SNX7: variants seen among roughly 807,000 people sequenced by gnomAD.
SNX7 encodes the protein sorting nexin 7.
Under a neutral mutation model 48.4 loss-of-function variants are expected in SNX7, and 35 were observed. The ratio of observed to expected loss-of-function variants is 0.72; its 90% confidence interval spans 0.55 to 0.96. The LOEUF is 0.96. Ranked by LOEUF, SNX7 falls within the 40% of genes least tolerant of loss-of-function variation. The pLI, the probability that SNX7 is intolerant of heterozygous loss-of-function variation, is 0.00. For missense variants in SNX7, 553 were observed against 548.9 expected, an observed-to-expected ratio of 1.01 and a Z score of -0.07; for synonymous variants, 190 against 190.2, an observed-to-expected ratio of 1.00 and a Z score of 0.01.
At position 98,667,919 on chromosome 1, in the gene SNX7, AC is replaced by A. The variant is rs1649627843; in HGVS notation, c.180+6009del. On this transcript the variant is annotated intron_variant, in intron 1 of 8. Coordinates refer to ENST00000306121, the MANE Select transcript of SNX7 (RefSeq NM_015976.5). ...CATTTTGATGATTAGGAAAAAAAAA[AC>A]AAAAAAAACAAAACAAACAAACAAA... 2.6e-5 allele frequency among the ~76,000 whole-genome samples: 4 copies of A among 151,774 alleles called. No homozygotes were observed. The East Asian group carries it at 7.8e-4, about 29-fold the overall frequency.
chr1:98,756,795 TG>T (rs1306337538), intron 8 of SNX7, among the ~76,000 whole-genome samples: 3 of 152,186 alleles, frequency 2.0e-5, no homozygotes, highest in Admixed American at 2.0e-4. Flanking sequence ...CCCTTCACCA[TG>T]GCCTCGAAAT....
At chr1:98,674,795 A>G (rs763406160) in intron 1 of SNX7, among the ~76,000 whole-genome samples, 8 of 152,130 alleles carry the variant, frequency 5.3e-5, no homozygotes, top group Non-Finnish European at 7.4e-5. Context: ...CTGACAGTGG[A>G]TGTATTGTTT....
intron 8 of SNX7, among the ~76,000 whole-genome samples, chr1:98,746,756 G>A (rs1288583497): frequency 2.0e-5 from 3 of 152,100 alleles, no homozygotes; most frequent in East Asian, 1.9e-4. Context: ...TTTCACTGAT[G>A]TATAGATGAA....
chr1:98,719,152 G>A (rs374759691), intron 7 of SNX7, among the ~76,000 whole-genome samples: 19 of 152,070 alleles, frequency 1.2e-4, no homozygotes, highest in South Asian at 4.1e-4. Context: ...TTATTACTTC[G>A]TGGATTAGAG....
intron 7 of SNX7, 112 bp downstream of exon 7, chr1:98,702,015 C>T: frequency 1.4e-6 from 1 of 732,232 alleles, no homozygotes. Context: ...ATGATTGTTT[C>T]TAAGCATTAA....
intron 8 of SNX7, among the ~76,000 whole-genome samples, chr1:98,740,312 T>A (rs913815143): frequency 2.6e-5 from 4 of 152,174 alleles, no homozygotes; most frequent in Non-Finnish European, 2.9e-5. Flanking sequence ...ACCTCTCCTT[T>A]ATAGTAGAAC....
intron 7 of SNX7, among the ~76,000 whole-genome samples, chr1:98,706,481 G>A (rs1444925196): frequency 6.6e-6 from 1 of 152,072 alleles, no homozygotes; most frequent in African/African-American, 2.4e-5. Flanking sequence ...GTCTAACCAG[G>A]GGTTAGACCA....
chr1:98,713,826 G>T (rs942131781), intron 7 of SNX7, among the ~76,000 whole-genome samples: 1 of 152,132 alleles, frequency 6.6e-6, no homozygotes, highest in African/African-American at 2.4e-5. Context: ...ACACAATTCT[G>T]CCCCCTCTTC....
At chr1:98,667,078 G>T (rs1649573883) in intron 1 of SNX7, among the ~76,000 whole-genome samples, 2 of 152,206 alleles carry the variant, frequency 1.3e-5, no homozygotes, top group Non-Finnish European at 2.9e-5. Context: ...CATTTCTGCT[G>T]TGTGCTTCCT....
In SNX7 at chr1:98,698,799, G is replaced by C. The variant is rs1398211426; in HGVS notation, c.932G>C (p.Ser311Thr). The C allele has an allele frequency of 6.2e-7, 1 of 1,613,756 alleles. No homozygotes were observed. Among genetic ancestry groups the C allele is most frequent in the South Asian group, 1.1e-5 (1 of 91,074 alleles). The change falls in exon 6 of 9, where the codon AGC (serine) becomes ACC (threonine). Residue 311 changes from serine (S) to threonine (T), a missense_variant. Coordinates refer to ENST00000306121, the MANE Select transcript of SNX7 (RefSeq NM_015976.5). Reference protein sequence around the residue: ...DLVDTLKDVASCIDRCCKATE... With the variant: ...DLVDTLKDVATCIDRCCKATE... ...GTTGATACTCTAAAGGATGTTGCCA[G>C]CTGCATTGACAGATGCTGTAAGGCC...
At chr1:98,693,351 G>A (rs1651253701) in intron 4 of SNX7, among the ~76,000 whole-genome samples, 2 of 152,126 alleles carry the variant, frequency 1.3e-5, no homozygotes, top group East Asian at 1.9e-4. Context: ...ATACCAGACA[G>A]GACAAAGGGT....
chr1:98,715,156 G>A (rs574847044), intron 7 of SNX7, among the ~76,000 whole-genome samples: 3 of 152,172 alleles, frequency 2.0e-5, no homozygotes, highest in Admixed American at 6.5e-5. Context: ...TTTTTTGACA[G>A]TATTTAGTTA....
chr1:98,709,038 A>G (rs1570550585), intron 7 of SNX7, among the ~76,000 whole-genome samples: 2 of 152,166 alleles, frequency 1.3e-5, no homozygotes, highest in East Asian at 3.9e-4. Context: ...ATTTTGTGGC[A>G]TCTGGGCCAT....
chr1:98,736,986 A>G (rs2101032695), intron 7 of SNX7, among the ~76,000 whole-genome samples: 1 of 152,250 alleles, frequency 6.6e-6, no homozygotes, highest in East Asian at 1.9e-4. Flanking sequence ...GAATCTCCAT[A>G]AAATCCAAGA....
intron 7 of SNX7, among the ~76,000 whole-genome samples, chr1:98,707,973 T>C (rs963017708): frequency 6.6e-6 from 1 of 152,184 alleles, no homozygotes; most frequent in Non-Finnish European, 1.5e-5. Context: ...CAGAGCAAGA[T>C]TGCCTTCTCT....
At chr1:98,713,505 C>T (rs1652430351) in intron 7 of SNX7, among the ~76,000 whole-genome samples, 1 of 151,962 alleles carries the variant, frequency 6.6e-6, no homozygotes, top group Admixed American at 6.6e-5. Context: ...TTATTTCTTC[C>T]AAGAACTTTT....
intron 7 of SNX7, among the ~76,000 whole-genome samples, chr1:98,708,622 A>C (rs1220251627): frequency 6.6e-6 from 1 of 152,104 alleles, no homozygotes; most frequent in African/African-American, 2.4e-5. Flanking sequence ...TGCATGAGTG[A>C]TGCTGTAATC....
intron 8 of SNX7, among the ~76,000 whole-genome samples, chr1:98,756,166 GTAT>G (rs1045276125): frequency 6.6e-6 from 1 of 151,822 alleles, no homozygotes; most frequent in African/African-American, 2.4e-5. Context: ...CCTTCAGGTA[GTAT>G]TATACTTCAT....
chr1:98,682,625 A>C (rs539298548), intron 1 of SNX7, among the ~76,000 whole-genome samples: 2 of 152,308 alleles, frequency 1.3e-5, no homozygotes, highest in South Asian at 4.1e-4. Context: ...CAGCATCACC[A>C]TTTAAGAACT....
Sources: allele counts gnomAD v4.1 joint callset (sites outside exome capture counted in the v4.1 genomes callset), GRCh38; gene constraint gnomAD v4.1.1; transcripts MANE v1.5; gene names NCBI Gene and HGNC (gene_info 2026-07-23, HGNC 2026-07-21).